The following SEMA4D variants were observed in gnomAD, a reference collection of about 807,000 sequenced individuals.
SEMA4D encodes semaphorin 4D.
SEMA4D carries 22 observed loss-of-function variants against 74.8 expected under a neutral mutation model. That is an observed-to-expected ratio of 0.29 (90% CI 0.21 to 0.42). SEMA4D has a LOEUF of 0.42. Among genes scored for constraint, SEMA4D ranks in the 10% least tolerant of loss-of-function variants. The pLI is 1.00. For missense variants in SEMA4D, 937 were observed against 1,118.4 expected (o/e 0.84, Z 2.31); for synonymous variants, 445 against 463.7 (o/e 0.96, Z 0.52).
At chr9:89,473,672 C>G (rs999938985) in intron 1 of SEMA4D, among the ~76,000 whole-genome samples, 1 of 152,072 alleles carries the variant, frequency 6.6e-6, no homozygotes, top group African/African-American at 2.4e-5. Flanking sequence ...GCCTGCCCAA[C>G]ATGGTGAAAC....
exon 17 of SEMA4D, chr9:89,363,788 G>A (rs1833136259): frequency 6.2e-7 from 1 of 1,613,912 alleles, no homozygotes; most frequent in Non-Finnish European, 8.5e-7. Flanking sequence ...GTTCCCTGCT[G>A]AGGAGAGGAC....
chr9:89,391,288 G>T lies in SEMA4D; in HGVS notation c.750C>A (p.Ile250=), dbSNP rs1839814289. Residue 250 remains isoleucine, a synonymous_variant, in exon 9 of 16, where the codon ATC becomes ATA. Coordinates refer to ENST00000422704, the MANE Select transcript of SEMA4D (RefSeq NM_001371194.2). The stretch of plus-strand genomic sequence containing the variant: ...CCTTGCACACTCTTGCTATCCGTGG[G>T]ATCAGCACCCTGAACACAAACTCAT... ...VEYEFVFRVL[I]PRIARVCKGD... 1 of 1,614,112 alleles carries T rather than the reference G, an allele frequency of 6.2e-7. No homozygotes were observed. The highest frequency in any genetic ancestry group is 8.5e-7 in the Non-Finnish European group (1 of 1,180,048).
Position 89,402,886 on chromosome 9 carries a change from G to A in SEMA4D, c.237C>T (p.Ser79=), listed in dbSNP as rs367973152. 99 of 1,613,602 alleles carry A rather than the reference G, an allele frequency of 6.1e-5. No individual in the cohort carries two copies. In the Middle Eastern group the frequency reaches 6.6e-4, roughly 11 times the overall value. ...AVFAVNALNI[S]EKQHEVYWKV... is the part of the protein sequence containing the mutation. ...CAGGACGTACCTCATGCTGCTTCTC[G>A]GAGATGTTGAGTGCGTTCACAGCGA... Residue 79 remains serine, a synonymous_variant, in exon 4 of 16, where the codon TCC becomes TCT. Coordinates refer to ENST00000422704, the MANE Select transcript of SEMA4D (RefSeq NM_001371194.2).
chr9:89,378,858 T>A lies in SEMA4D; in HGVS notation c.2435A>T (p.Asp812Val). 2 of 1,614,202 alleles carry A rather than the reference T, an allele frequency of 1.2e-6. No homozygotes were observed. The highest frequency in any genetic ancestry group is 1.7e-6 in the Non-Finnish European group (2 of 1,180,028). The part of the protein sequence containing the change: ...QNGEHPKPAL[D>V]TGYETEQDTI... ...GTCTTGCTCGGTCTCATAGCCGGTG[T>A]CCAGGGCTGGCTTGGGGTGCTCCCC... Residue 812 changes from aspartate (D) to valine (V), a missense_variant, in exon 16 of 16, where the codon GAC becomes GTC. Coordinates refer to ENST00000422704, the MANE Select transcript of SEMA4D (RefSeq NM_001371194.2).
At chr9:89,392,779 G>A (rs1423201213) in intron 7 of SEMA4D, among the ~76,000 whole-genome samples, 1 of 152,130 alleles carries the variant, frequency 6.6e-6, no homozygotes, top group African/African-American at 2.4e-5. Context: ...CCAGGCTGGA[G>A]TGCAGTGGTG....
intron 16 of SEMA4D, chr9:89,364,157 C>G: frequency 1.9e-6 from 2 of 1,031,600 alleles, no homozygotes; most frequent in Admixed American, 2.8e-5. Flanking sequence ...TGTGGACTTC[C>G]TGCTCTTTGA....
chr9:89,381,613 G>A lies in SEMA4D; in HGVS notation c.1447-267C>T, dbSNP rs924685791. The A allele has an allele frequency of 1.6e-5, 6 of 367,468 alleles. No individual in the cohort carries two copies. The highest frequency in any genetic ancestry group is 4.2e-5 in the Admixed American group (1 of 23,882). 22.8% of individuals were successfully genotyped at this position (367,468 alleles called of 1,614,324 possible). ...GGCACCCACAGGTGCCTGCCCTCCA[G>A]CAAAGCGCTTCTCTGCACGTGTTTC... On this transcript the variant is annotated intron_variant, in intron 13 of 15. Transcript: ENST00000422704. The surrounding 1 kb of genome is among the most constrained non-coding windows in gnomAD (Gnocchi z 4.6).
intron 2 of SEMA4D, among the ~76,000 whole-genome samples, chr9:89,445,234 C>G (rs1409736210): frequency 3.3e-5 from 5 of 152,222 alleles, no homozygotes; most frequent in Non-Finnish European, 7.3e-5. Flanking sequence ...AAGAGACACA[C>G]GCTCTTTGGA....
chr9:89,400,652 C>T (rs1252983343), intron 4 of SEMA4D, among the ~76,000 whole-genome samples: 1 of 152,218 alleles, frequency 6.6e-6, no homozygotes, highest in Non-Finnish European at 1.5e-5. Context: ...TAGCCACTTC[C>T]TTCAGCATTT....
At chr9:89,420,168 A>G (rs1846595859) in intron 2 of SEMA4D, among the ~76,000 whole-genome samples, 1 of 152,110 alleles carries the variant, frequency 6.6e-6, no homozygotes, top group East Asian at 1.9e-4. Context: ...CTAGCCTCCA[A>G]AAACAGCTGC....
downstream of SEMA4D, chr9:89,376,722 A>G: frequency 7.1e-7 from 1 of 1,405,960 alleles, no homozygotes; most frequent in Non-Finnish European, 9.5e-7. Flanking sequence ...CAGGACAGAT[A>G]AGGAAGGTAA....
At chr9:89,472,744 A>G (rs992464172) in intron 1 of SEMA4D, 2 of 156,450 alleles carry the variant, frequency 1.3e-5, no homozygotes, top group African/African-American at 4.8e-5. Context: ...ATTCAACTTA[A>G]GTAGTCTTCA....
At chr9:89,400,490 T>C (rs981143573) in intron 4 of SEMA4D, among the ~76,000 whole-genome samples, 1 of 152,108 alleles carries the variant, frequency 6.6e-6, no homozygotes, top group Non-Finnish European at 1.5e-5. Context: ...AGGGAGAGTA[T>C]GAGGAGAGGA....
chr9:89,449,875 T>TAAAAATTGACCTTGGG lies in SEMA4D; in HGVS notation c.-244+5997_-244+6012dup, dbSNP rs1853927276. The stretch of plus-strand genomic sequence containing the variant: ...TATATTCTCAAGGAAGGTGACTTGG[T>TAAAAATTGACCTTGGG]AAAAATTGACCTTGGGGTCCATGTG... On this transcript the variant is annotated intron_variant, in intron 2 of 15. Transcript: ENST00000422704. 5 of 1,495,054 alleles carry TAAAAATTGACCTTGGG rather than the reference T, an allele frequency of 3.3e-6. No individual in the cohort carries two copies. The East Asian group carries it at 1.1e-4, about 34-fold the overall frequency. 92.6% of individuals were successfully genotyped at this position (1,495,054 alleles called of 1,614,324 possible).
chr9:89,371,008 G>A lies in SEMA4D; in HGVS notation c.1882+5825C>T, dbSNP rs1206877563. On this transcript the variant is annotated intron_variant, in intron 16 of 18. Transcript: ENST00000339861. ...AGCTGTGTCAGGGGTATGTCGGGGT[G>A]TGGGGTGTGTGGTATCTGGGGTGGG... Among the ~76,000 whole-genome samples the A allele has an allele frequency of 1.1e-4, 15 of 132,692 alleles. No homozygotes were observed. The East Asian group carries it at 3.3e-3, about 29-fold the overall frequency. The allele number at this position is 132,692 out of a possible 152,430, so 87.1% of individuals were successfully genotyped here.
chr9:89,373,577 G>C (rs976000879), downstream of SEMA4D, among the ~76,000 whole-genome samples: 1 of 152,194 alleles, frequency 6.6e-6, no homozygotes, highest in Non-Finnish European at 1.5e-5. Context: ...AAGATGCCAC[G>C]AATGTCCTCT....
At chr9:89,469,495 C>T (rs1859642871) in intron 1 of SEMA4D, among the ~76,000 whole-genome samples, 1 of 152,136 alleles carries the variant, frequency 6.6e-6, no homozygotes. Flanking sequence ...GACAATACCC[C>T]TCATGAACAC....
chr9:89,362,540 C>A, intron 18 of SEMA4D: 3 of 1,584,256 alleles, frequency 1.9e-6, no homozygotes, highest in Non-Finnish European at 2.6e-6. Context: ...AGGCCTCAGC[C>A]CCCTGTTGTG....
chr9:89,424,719 A>C (rs1386688968), intron 2 of SEMA4D, among the ~76,000 whole-genome samples: 2 of 148,756 alleles, frequency 1.3e-5, no homozygotes, highest in Non-Finnish European at 1.5e-5. Flanking sequence ...CTTCCCTCAC[A>C]CCCACGGTTC....
Sources: gnomAD v4.1 joint callset for allele counts (sites outside exome capture counted in the v4.1 genomes callset) on GRCh38, gnomAD v4.1.1 for gene constraint, Gnocchi (gnomAD v3.1) non-coding constraint, MANE v1.5 for transcripts, NCBI Gene and HGNC (gene_info 2026-07-23, HGNC 2026-07-21) for gene names.